Variants in UBR3 observed in about 807,000 individuals in gnomAD.
The protein encoded by UBR3 is E3 ubiquitin-protein ligase UBR3.
UBR3 carries 85 observed loss-of-function variants against 243.2 expected under a neutral mutation model. The observed-to-expected ratio is 0.35, with a 90% CI of 0.29 to 0.42. UBR3 has a LOEUF of 0.42. UBR3 is among the 10% of genes least tolerant of loss of function. The pLI, the probability that UBR3 is intolerant of heterozygous loss-of-function variation, is 1.00. For synonymous variants in UBR3, 748 were observed against 799.8 expected, an observed-to-expected ratio of 0.94 and a Z score of 1.09; for missense variants, 1,686 against 2,300.8, an observed-to-expected ratio of 0.73 and a Z score of 5.47.
chr2:169,898,348 T>C (rs1165596698), intron 8 of UBR3, among the ~76,000 whole-genome samples: 1 of 152,234 alleles, frequency 6.6e-6, no homozygotes, highest in African/African-American at 2.4e-5. Context: ...TTATATATAA[T>C]AGCTAGCTAA....
chr2:169,882,385 TA>T (rs1056892347), intron 5 of UBR3, among the ~76,000 whole-genome samples: 5 of 131,522 alleles, frequency 3.8e-5, no homozygotes, highest in African/African-American at 1.4e-4. Flanking sequence ...ATATTATATA[TA>T]AAAATATATA....
rs1324626397 is a variant in UBR3 at position 169,958,434 on chromosome 2, C to G, written c.3546-4C>G. The G allele has an allele frequency of 6.2e-7, 1 of 1,612,280 alleles. No homozygotes were observed. The highest frequency in any genetic ancestry group is 1.7e-5 in the Admixed American group (1 of 59,836). On this transcript the variant is annotated splice_polypyrimidine_tract_variant and splice_region_variant and intron_variant, in intron 23 of 38. Coordinates refer to ENST00000272793, the MANE Select transcript of UBR3 (RefSeq NM_172070.4). ...ACTTAAAACTTTATTTCTGTTTAAT[C>G]TAGGCGACAGAAGGCTAGAGAGAGG...
At chr2:169,870,782 T>G (rs1033618988) in intron 1 of UBR3, among the ~76,000 whole-genome samples, 1 of 151,964 alleles carries the variant, frequency 6.6e-6, no homozygotes, top group Non-Finnish European at 1.5e-5. Context: ...GCCTCCCAAG[T>G]AGCTGGGACT....
chr2:169,839,283 C>T (rs892550816), intron 1 of UBR3, among the ~76,000 whole-genome samples: 1 of 152,110 alleles, frequency 6.6e-6, no homozygotes, highest in South Asian at 2.1e-4. Flanking sequence ...AGACAAATAT[C>T]ACATGTTCTC....
At chr2:169,912,230 A>G (rs2085282177) in intron 10 of UBR3, among the ~76,000 whole-genome samples, 1 of 152,224 alleles carries the variant, frequency 6.6e-6, no homozygotes, top group Admixed American at 6.5e-5. Flanking sequence ...AAAGGAGATA[A>G]AATTCACCAT....
chr2:169,993,378 C>G (rs1361834375), intron 25 of UBR3, among the ~76,000 whole-genome samples: 1 of 152,160 alleles, frequency 6.6e-6, no homozygotes, highest in Admixed American at 6.5e-5. Flanking sequence ...ATTTTTATAG[C>G]AGATATTTCT....
rs146792796 is a variant in UBR3 at position 169,844,450 on chromosome 2, T to C, written c.545+16398T>C. Among the ~76,000 whole-genome samples, 12 of 151,992 alleles carry C rather than the reference T, an allele frequency of 7.9e-5. No homozygotes were observed. The East Asian group carries it at 2.1e-3, about 27-fold the overall frequency. On this transcript the variant is annotated intron_variant, in intron 1 of 38. Transcript: ENST00000272793. ...GAATGTTGTTTGTACTATTTCTCCT[T>C]ATTTTCTCAATGTCTGTAAAGTATG...
chr2:170,051,538 G>T (rs2091217872), intron 32 of UBR3, among the ~76,000 whole-genome samples: 1 of 152,054 alleles, frequency 6.6e-6, no homozygotes, highest in East Asian at 1.9e-4. Context: ...TTGAGACGAG[G>T]TTTCACCATG....
rs2085268439 is a variant in UBR3 at position 169,911,921 on chromosome 2, G to A, written c.1780-2139G>A. 2.6e-5 allele frequency among the ~76,000 whole-genome samples: 4 copies of A among 152,154 alleles called. No homozygotes were observed. In the South Asian group the frequency reaches 8.3e-4, roughly 32 times the overall value. ...ATTTTATAAAGACAAATCTCATATAGCATAGATTAAAACAGGATGAGAATG... is the reference window on the plus strand; with the variant it reads ...ATTTTATAAAGACAAATCTCATATAACATAGATTAAAACAGGATGAGAATG... On this transcript the variant is annotated intron_variant, in intron 10 of 38. Transcript: ENST00000272793.
intron 27 of UBR3, among the ~76,000 whole-genome samples, chr2:170,003,887 G>A (rs1403817970): frequency 2.0e-5 from 3 of 152,136 alleles, no homozygotes; most frequent in Non-Finnish European, 2.9e-5. Context: ...TGATCCATCC[G>A]CCTCAGCCTC....
chr2:169,956,904 A>G (rs2087325904), intron 23 of UBR3, among the ~76,000 whole-genome samples: 2 of 151,840 alleles, frequency 1.3e-5, no homozygotes, highest in Admixed American at 1.3e-4. Context: ...TTTGACTTCT[A>G]TACTGTATAG....
Position 170,081,885 on chromosome 2 carries a change from G to C in UBR3, c.*42G>C. 1 of 1,331,750 alleles carries C rather than the reference G, an allele frequency of 7.5e-7. No individual in the cohort carries two copies. The highest frequency in any genetic ancestry group is 1.0e-6 in the Non-Finnish European group (1 of 982,772). The allele number at this position is 1,331,750 out of a possible 1,614,324, so 82.5% of individuals were successfully genotyped here. On this transcript the variant is annotated 3_prime_UTR_variant, in exon 39 of 39. Coordinates refer to ENST00000272793, the MANE Select transcript of UBR3 (RefSeq NM_172070.4). ...TGCATCGTATCATCATTTTCGCTAC[G>C]AATTTATTTTTCAACAATAAGCTTT...
intron 8 of UBR3, among the ~76,000 whole-genome samples, chr2:169,903,699 G>T (rs560198489): frequency 1.3e-5 from 2 of 152,246 alleles, no homozygotes; most frequent in South Asian, 4.2e-4. Context: ...ATAGGTAGTT[G>T]AATAAGTTGG....
intron 1 of UBR3, among the ~76,000 whole-genome samples, chr2:169,844,853 T>TTTG (rs201141735): frequency 2.0e-5 from 3 of 152,136 alleles, no homozygotes; most frequent in East Asian, 1.9e-4. Flanking sequence ...TTACTGATTT[T>TTTG]TTGTTGTTGT....
Position 169,877,576 on chromosome 2 carries a change from G to C in UBR3, c.927G>C (p.Glu309Asp). 1 of 1,549,790 alleles carries C rather than the reference G, an allele frequency of 6.5e-7. No individual in the cohort carries two copies. The highest frequency in any genetic ancestry group is 8.7e-7 in the Non-Finnish European group (1 of 1,146,586). The stretch of plus-strand genomic sequence containing the variant: ...AGAGCTCTGGACTTACATATCCTGA[G>C]GATAAGCTTGTATATGGTGTGCAGG... Reference protein sequence around the residue: ...ALKSSGLTYPEDKLVYGVQEP... With the variant: ...ALKSSGLTYPDDKLVYGVQEP... The change falls in exon 4 of 39, where the codon GAG (glutamate) becomes GAC (aspartate). Residue 309 changes from glutamate to aspartate, a missense_variant. This residue lies in a region of UBR3 where 200 missense variants were observed against 231.6 expected (regional missense o/e 0.86). Coordinates refer to ENST00000272793, the MANE Select transcript of UBR3 (RefSeq NM_172070.4).
intron 1 of UBR3, among the ~76,000 whole-genome samples, chr2:169,866,449 C>T (rs1259840783): frequency 6.6e-6 from 1 of 151,554 alleles, no homozygotes; most frequent in Non-Finnish European, 1.5e-5. Flanking sequence ...CTGCAACCTC[C>T]GCCTCCGGAT....
intron 2 of UBR3, among the ~76,000 whole-genome samples, chr2:169,875,393 G>T (rs2083569228): frequency 6.6e-6 from 1 of 152,046 alleles, no homozygotes; most frequent in African/African-American, 2.4e-5. Context: ...ACAGTGGCAT[G>T]ATCTCAGTTC....
At chr2:169,927,524 A>G in intron 17 of UBR3, 119 bp downstream of exon 17, 2 of 789,754 alleles carry the variant, frequency 2.5e-6, no homozygotes, top group Non-Finnish European at 3.9e-6. Context: ...ATAATATAGA[A>G]AAAGAAGAAC....
chr2:169,988,332 C>G (rs1468307615), intron 25 of UBR3, among the ~76,000 whole-genome samples: 1 of 152,130 alleles, frequency 6.6e-6, no homozygotes, highest in African/African-American at 2.4e-5. Context: ...TCCAGTGAAA[C>G]TTATGTTCTT....
Sources: allele counts gnomAD v4.1 joint callset (sites outside exome capture counted in the v4.1 genomes callset), GRCh38; gene constraint gnomAD v4.1.1; regional missense constraint gnomAD v4.1.1; transcripts MANE v1.5; gene names NCBI Gene and HGNC (gene_info 2026-07-23, HGNC 2026-07-21).